COL10A1: variants seen among roughly 807,000 people sequenced by gnomAD.
The protein encoded by COL10A1 is collagen type X alpha 1 chain, also known as collagen alpha-1(X) chain.
COL10A1 carries 10 observed loss-of-function variants against 18.2 expected under a neutral mutation model. That is an observed-to-expected ratio of 0.55 (90% CI 0.34 to 0.93). The LOEUF is 0.93. COL10A1 is among the 40% of genes least tolerant of loss of function. The probability of loss-of-function intolerance (pLI) is 0.02; values close to 1 mark genes in which losing one functional copy is unlikely to be tolerated. For synonymous variants in COL10A1, 330 were observed against 316.6 expected (o/e 1.04, Z -0.45); for missense variants, 897 against 853.5 (o/e 1.05, Z -0.64).
chr6:116,156,676 A>G (rs1236536167), intron 1 of COL10A1, among the ~76,000 whole-genome samples: 1 of 152,256 alleles, frequency 6.6e-6, no homozygotes, highest in Non-Finnish European at 1.5e-5. Context: ...GTCAGATGGA[A>G]TGACACTGCA....
the COL10A1 span, among the ~76,000 whole-genome samples, chr6:116,177,613 T>C: frequency 6.6e-6 from 1 of 152,190 alleles, no homozygotes; most frequent in Non-Finnish European, 1.5e-5. Context: ...AGCCCTGTGT[T>C]TTCCAGTGCT....
the COL10A1 span, among the ~76,000 whole-genome samples, chr6:116,184,470 A>G: frequency 2.0e-5 from 3 of 151,972 alleles, no homozygotes; most frequent in African/African-American, 4.8e-5. Context: ...ATTGGTACCA[A>G]TTCTTTGAAT....
At position 116,121,707 on chromosome 6, in the gene COL10A1, G is replaced by A. The variant is rs748536777; in HGVS notation, c.409C>T (p.Pro137Ser). The change falls in exon 3 of 3, where the codon CCC becomes TCC. Residue 137 changes from proline (P) to serine (S), a missense_variant. Pro to Ser is a moderately conservative substitution (Grantham distance 74). Coordinates refer to ENST00000651968, the MANE Select transcript of COL10A1 (RefSeq NM_000493.4). ...CCAGGTGGTCCTGGTGGGCCCCGGG[G>A]TCCTGGTAGGCCAGCTGGTCCAACA... ...GDVGPAGLPGPRGPPGPPGIP... is the reference protein window; with the variant it reads ...GDVGPAGLPGSRGPPGPPGIP... 5.0e-6 allele frequency: 8 copies of A among 1,614,052 alleles called. No individual in the cohort carries two copies. Among genetic ancestry groups the A allele is most frequent in the Non-Finnish European group, 6.8e-6 (8 of 1,179,990 alleles).
chr6:116,144,084 A>G (rs1779832527), intron 1 of COL10A1, among the ~76,000 whole-genome samples: 5 of 152,190 alleles, frequency 3.3e-5, no homozygotes, highest in African/African-American at 1.2e-4. Flanking sequence ...GGATATTCAG[A>G]GTTCATGTAT....
At chr6:116,201,742 A>G in the COL10A1 span, among the ~76,000 whole-genome samples, 2 of 152,032 alleles carry the variant, frequency 1.3e-5, no homozygotes, top group African/African-American at 2.4e-5. Flanking sequence ...AAAGAAACAC[A>G]GGTGTACAGC....
At chr6:116,153,913 G>A (rs73772296) in intron 1 of COL10A1, among the ~76,000 whole-genome samples, 1,581 of 152,054 alleles carry the variant, frequency 0.01, 30 homozygotes, top group African/African-American at 0.036. Context: ...ATCTTACTAC[G>A]TGCCAAAAGA....
At position 116,120,154 on chromosome 6, in the gene COL10A1, A is replaced by G. The variant is rs1180246182; in HGVS notation, c.1962T>C (p.Leu654=). 1 of 1,614,062 alleles carries G rather than the reference A, an allele frequency of 6.2e-7. No individual in the cohort carries two copies. The highest frequency in any genetic ancestry group is 2.2e-5 in the East Asian group (1 of 44,876). Residue 654 remains leucine (L), a synonymous_variant, in exon 3 of 3, where the codon CTT becomes CTC. Coordinates refer to ENST00000651968, the MANE Select transcript of COL10A1 (RefSeq NM_000493.4). The part of the protein sequence containing the change: ...LTENDQVWLQ[L]PNAESNGLYS... ...ATAGGCCATTTGACTCGGCATTGGG[A>G]AGCTGGAGCCACACCTGGTCATTTT...
At position 116,120,500 on chromosome 6, in the gene COL10A1, A is replaced by G; in HGVS notation, c.1616T>C (p.Leu539Pro). The part of the protein sequence containing the change: ...GQRPSLSGTP[L>P]VSANQGVTGM... ...TGTTACCCCCTGGTTGGCACTAACAAGAGGGGTCCCAGAAAGACTGGGCCT... is the reference window on the plus strand; with the variant it reads ...TGTTACCCCCTGGTTGGCACTAACAGGAGGGGTCCCAGAAAGACTGGGCCT... Residue 539 changes from leucine to proline, a missense_variant, in exon 3 of 3, where the codon CTT becomes CCT. Physicochemically the swap from Leu to Pro is moderately conservative, Grantham distance 98 (BLOSUM62 -3). Coordinates refer to ENST00000651968, the MANE Select transcript of COL10A1 (RefSeq NM_000493.4). The G allele has an allele frequency of 6.2e-7, 1 of 1,614,228 alleles. No individual in the cohort carries two copies. Among genetic ancestry groups the G allele is most frequent in the Non-Finnish European group, 8.5e-7 (1 of 1,180,028 alleles).
At chr6:116,139,989 T>C (rs1779724446) in intron 1 of COL10A1, among the ~76,000 whole-genome samples, 1 of 152,188 alleles carries the variant, frequency 6.6e-6, no homozygotes, top group Non-Finnish European at 1.5e-5. Context: ...GCTTTTCTTA[T>C]TTGATCCAGA....
At chr6:116,148,656 TG>T (rs1299900407) in intron 1 of COL10A1, among the ~76,000 whole-genome samples, 1 of 152,220 alleles carries the variant, frequency 6.6e-6, no homozygotes, top group Non-Finnish European at 1.5e-5. Flanking sequence ...TAAAGTTGGA[TG>T]GTTTATATAA....
upstream of COL10A1, among the ~76,000 whole-genome samples, chr6:116,159,532 G>A (rs2114422306): frequency 6.6e-6 from 1 of 152,296 alleles, no homozygotes; most frequent in East Asian, 1.9e-4. Context: ...GATGTCATGT[G>A]AATAATTTGC....
At chr6:116,179,712 G>T in the COL10A1 span, among the ~76,000 whole-genome samples, 1 of 152,078 alleles carries the variant, frequency 6.6e-6, no homozygotes, top group Admixed American at 6.6e-5. Context: ...CTTCAGTGAT[G>T]AACTCAATAA....
the COL10A1 span, among the ~76,000 whole-genome samples, chr6:116,175,521 C>T: frequency 1.3e-5 from 2 of 152,092 alleles, no homozygotes; most frequent in Admixed American, 1.3e-4. Flanking sequence ...TCCATTGTCT[C>T]TCCTCTTTCT....
At chr6:116,174,262 G>T in the COL10A1 span, among the ~76,000 whole-genome samples, 3 of 152,084 alleles carry the variant, frequency 2.0e-5, no homozygotes, top group Non-Finnish European at 2.9e-5. Flanking sequence ...ACTAAGTCCA[G>T]CCCACTCTCA....
chr6:116,122,680 T>C (rs1189343831), intron 2 of COL10A1, among the ~76,000 whole-genome samples: 1 of 152,172 alleles, frequency 6.6e-6, no homozygotes, highest in African/African-American at 2.4e-5. Context: ...ATGTGAAAAA[T>C]GCGGCTGGGC....
At chr6:116,180,509 A>G in the COL10A1 span, among the ~76,000 whole-genome samples, 1 of 152,124 alleles carries the variant, frequency 6.6e-6, no homozygotes, top group Non-Finnish European at 1.5e-5. Flanking sequence ...TCATGAATGG[A>G]GAAGACTGAT....
intron 1 of COL10A1, 63 bp from the exon 2 acceptor site, chr6:116,125,570 G>C: frequency 6.9e-7 from 1 of 1,458,992 alleles, no homozygotes; most frequent in Non-Finnish European, 9.5e-7. Context: ...TTATTCTCAT[G>C]TTTCACAGAT....
In COL10A1 at chr6:116,121,032, C is replaced by A. The variant is rs780497051; in HGVS notation, c.1084G>T (p.Gly362Cys). 1.5e-5 allele frequency: 24 copies of A among 1,613,950 alleles called. No individual in the cohort carries two copies. The South Asian group carries it at 2.3e-4, about 16-fold the overall frequency. Residue 362 changes from glycine to cysteine, a missense_variant, in exon 3 of 3, where the codon GGT (glycine) becomes TGT (cysteine). By Grantham distance (159) the Gly-to-Cys change is radical. Transcript: ENST00000651968. ...GCAGGCCCAGCTGGCCCTGTCTCAC[C>A]TTTAGGGCCTGGGAGACCATGGCTA... is the stretch of plus-strand genomic sequence containing the variant. The part of the protein sequence containing the change: ...PGSHGLPGPK[G>C]ETGPAGPAGY...
At chr6:116,165,702 A>G in the COL10A1 span, among the ~76,000 whole-genome samples, 1 of 152,168 alleles carries the variant, frequency 6.6e-6, no homozygotes, top group Non-Finnish European at 1.5e-5. Context: ...CCTTTGTCCC[A>G]AGGGGGTTCT....
Sources: gnomAD v4.1 joint callset for allele counts (sites outside exome capture counted in the v4.1 genomes callset) on GRCh38, gnomAD v4.1.1 for gene constraint, MANE v1.5 for transcripts, NCBI Gene and HGNC (gene_info 2026-07-23, HGNC 2026-07-21) for gene names.